Variants in VPS8 observed in about 807,000 individuals in gnomAD.
VPS8 encodes VPS8 subunit of CORVET complex, also known as vacuolar protein sorting-associated protein 8 homolog.
In VPS8, 129 loss-of-function variants were observed where a neutral mutation model predicts 216.4. The observed-to-expected ratio is 0.60, with a 90% confidence interval of 0.52 to 0.69. VPS8 has a LOEUF of 0.69. Ranked by LOEUF, VPS8 falls within the 30% of genes least tolerant of loss-of-function variation. The pLI, the probability that VPS8 is intolerant of heterozygous loss-of-function variation, is 0.00. For synonymous variants in VPS8, 571 were observed against 565.4 expected, an observed-to-expected ratio of 1.01 and a Z score of -0.14; for missense variants, 1,531 against 1,683.5, an observed-to-expected ratio of 0.91 and a Z score of 1.59.
chr3:184,928,131 C>T (rs1355687734), intron 31 of VPS8, among the ~76,000 whole-genome samples: 1 of 152,160 alleles, frequency 6.6e-6, no homozygotes, highest in Non-Finnish European at 1.5e-5. Flanking sequence ...GATAAAAATT[C>T]ACTTCTTGAA....
chr3:184,894,561 A>T, intron 22 of VPS8, 142 bp from the exon 23 acceptor site: 1 of 546,646 alleles, frequency 1.8e-6, no homozygotes, highest in Non-Finnish European at 3.2e-6. Context: ...TTGCAGTATA[A>T]AACTCTGTGA....
At chr3:184,984,295 CTTTT>C (rs67712263) in intron 42 of VPS8, among the ~76,000 whole-genome samples, 5 of 109,268 alleles carry the variant, frequency 4.6e-5, no homozygotes, top group Admixed American at 9.3e-5. Context: ...ATTTAGAATA[CTTTT>C]TTTTTTTTTT....
chr3:184,987,343 G>C (rs1041897155), intron 42 of VPS8, among the ~76,000 whole-genome samples: 1 of 151,912 alleles, frequency 6.6e-6, no homozygotes, highest in African/African-American at 2.4e-5. Context: ...TGAACTCCTG[G>C]CTTCAAGTGA....
rs888352883 is a variant in VPS8, at chr3:184,849,603, A to G, written c.667-333A>G. The G allele has an allele frequency of 1.7e-5, 5 of 287,000 alleles. No homozygotes were observed. The East Asian group carries it at 4.3e-4, about 25-fold the overall frequency. The allele number at this position is 287,000 out of a possible 1,614,324, so 17.8% of individuals were successfully genotyped here. A position where few individuals can be genotyped will look rare whatever the true frequency, so the allele number is the denominator to read the frequency against. On this transcript the variant is annotated intron_variant, in intron 9 of 47. Transcript: ENST00000625842. The stretch of plus-strand genomic sequence containing the variant: ...GGTTTTTTTATCTTCTGATTCATAC[A>G]TCACTAGCTAGTTTGGCAGTAAGCC...
Position 184,849,055 on chromosome 3 carries a change from A to C in VPS8, c.542-16A>C. The C allele has an allele frequency of 6.2e-7, 1 of 1,612,036 alleles. No individual in the cohort carries two copies. Among genetic ancestry groups the C allele is most frequent in the Non-Finnish European group, 8.5e-7 (1 of 1,178,558 alleles). On this transcript the variant is annotated splice_polypyrimidine_tract_variant and intron_variant, in intron 8 of 47. Coordinates refer to ENST00000625842, the MANE Select transcript of VPS8 (RefSeq NM_001009921.3). ...TTGCATTTCCTTCACTTGACTTTAA[A>C]AACTGCTTTCTTTAGATCAGAATCA...
rs532520904 is a variant in VPS8 at position 184,983,299 on chromosome 3, A to G, written c.3585+205A>G. On this transcript the variant is annotated intron_variant, in intron 42 of 47. Transcript: ENST00000625842. Reference sequence around the variant, plus strand: ...GTTTTTTGGTGTGACTTTGCCTGACATAAGCTTGTGACCTTCAGTTAGGGC... The same window carrying G: ...GTTTTTTGGTGTGACTTTGCCTGACGTAAGCTTGTGACCTTCAGTTAGGGC... Among the ~76,000 whole-genome samples, 9 of 152,314 alleles carry G rather than the reference A, an allele frequency of 5.9e-5. No homozygotes were observed. In the South Asian group the frequency reaches 1.2e-3, roughly 21 times the overall value.
At chr3:184,902,450 T>A (rs1734710911) in intron 25 of VPS8, among the ~76,000 whole-genome samples, 1 of 150,980 alleles carries the variant, frequency 6.6e-6, no homozygotes. Flanking sequence ...GCCACTGCTC[T>A]CCAGCTTGGG....
intron 46 of VPS8, among the ~76,000 whole-genome samples, chr3:185,027,111 G>A (rs75347830): frequency 0.012 from 1,857 of 152,126 alleles, 43 homozygotes; most frequent in African/African-American, 0.041. Context: ...AAAAGTAGAC[G>A]GGTAAACTGA....
In VPS8 at chr3:184,966,655, T is replaced by C. The variant is rs1008756402; in HGVS notation, c.3274-16T>C. 2 of 1,547,810 alleles carry C rather than the reference T, an allele frequency of 1.3e-6. No homozygotes were observed. Among genetic ancestry groups the C allele is most frequent in the Admixed American group, 1.8e-5 (1 of 55,534 alleles). On this transcript the variant is annotated splice_polypyrimidine_tract_variant and intron_variant, in intron 38 of 47. Transcript: ENST00000625842. ...AAGTGTTCCTTTTTAACTCCTATGTTCTTTTTATCTCCTAGAGACTACAAA... is the reference window on the plus strand; with the variant it reads ...AAGTGTTCCTTTTTAACTCCTATGTCCTTTTTATCTCCTAGAGACTACAAA...
Position 185,048,547 on chromosome 3 carries a change from A to G in VPS8, c.4125A>G (p.Arg1375=). Residue 1375 remains arginine (R), a synonymous_variant, in exon 47 of 48, where the codon CGA becomes CGG. Coordinates refer to ENST00000625842, the MANE Select transcript of VPS8 (RefSeq NM_001009921.3). ...TTGATCAGCTTTGCCGTCTCTACCG[A>G]GGAAGCTCCAGGGTAATGTTTGCGT... ...QAFDQLCRLY[R]GSSRLALLTE... 1 of 1,613,958 alleles carries G rather than the reference A, an allele frequency of 6.2e-7. No homozygotes were observed.
In VPS8 at chr3:184,827,452, C is replaced by A. The variant is rs967592345; in HGVS notation, c.222+1221C>A. On this transcript the variant is annotated intron_variant, in intron 3 of 47. Coordinates refer to ENST00000625842, the MANE Select transcript of VPS8 (RefSeq NM_001009921.3). ...AGAATATTCTGTTACAGTGAAATGT[C>A]CTTTATTTACTTTCTAATATAGAGG... 3.3e-5 allele frequency among the ~76,000 whole-genome samples: 5 copies of A among 152,216 alleles called. No homozygotes were observed. In the South Asian group the frequency reaches 8.3e-4, roughly 25 times the overall value.
intron 42 of VPS8, among the ~76,000 whole-genome samples, chr3:184,986,886 A>T (rs1338148472): frequency 6.6e-6 from 1 of 152,188 alleles, no homozygotes; most frequent in Non-Finnish European, 1.5e-5. Flanking sequence ...TTTTTGTATT[A>T]GTGTGGTATA....
At chr3:184,908,376 A>G (rs535646466) in intron 25 of VPS8, among the ~76,000 whole-genome samples, 3 of 152,322 alleles carry the variant, frequency 2.0e-5, no homozygotes, top group Admixed American at 2.0e-4. Flanking sequence ...GAGGGAGCAC[A>G]TGAGCAAGCC....
At chr3:185,031,945 C>T (rs1327790693) in intron 46 of VPS8, among the ~76,000 whole-genome samples, 1 of 152,162 alleles carries the variant, frequency 6.6e-6, no homozygotes, top group Non-Finnish European at 1.5e-5. Flanking sequence ...GGGCAGATCA[C>T]TTGAGGTCAG....
At chr3:184,874,757 C>A (rs941657732) in intron 21 of VPS8, among the ~76,000 whole-genome samples, 2 of 152,118 alleles carry the variant, frequency 1.3e-5, no homozygotes, top group Admixed American at 6.5e-5. Flanking sequence ...CAGCCACATC[C>A]CACAACTGAG....
At chr3:184,986,168 T>C (rs1751039315) in intron 42 of VPS8, among the ~76,000 whole-genome samples, 1 of 152,188 alleles carries the variant, frequency 6.6e-6, no homozygotes, top group African/African-American at 2.4e-5. Context: ...GAAGAGGAGA[T>C]GTCTGAGCTG....
Position 185,027,076 on chromosome 3 carries a change from C to T in VPS8, c.4056+2687C>T, listed in dbSNP as rs563342696. Among the ~76,000 whole-genome samples, 173 of 152,032 alleles carry T rather than the reference C, an allele frequency of 1.1e-3. 1 individual carries two copies. The highest frequency in any genetic ancestry group is 4.0e-3 in the African/African-American group (167 of 41,454). Reference sequence around the variant, plus strand: ...TAGAGAAAAGAAATACAATCCTGTTCTCAAAGACCTCAGCATTTATTGAGA... The same window carrying T: ...TAGAGAAAAGAAATACAATCCTGTTTTCAAAGACCTCAGCATTTATTGAGA... On this transcript the variant is annotated intron_variant, in intron 46 of 47. Transcript: ENST00000625842.
intron 17 of VPS8, among the ~76,000 whole-genome samples, 186 bp from the exon 18 acceptor site, chr3:184,867,838 T>G (rs1727654100): frequency 6.6e-6 from 1 of 152,116 alleles, no homozygotes; most frequent in Non-Finnish European, 1.5e-5. Flanking sequence ...AGAGCGAGAC[T>G]CTGTCTCAAA....
intron 37 of VPS8, among the ~76,000 whole-genome samples, chr3:184,960,000 C>G (rs994685543): frequency 3.3e-5 from 5 of 152,064 alleles, no homozygotes; most frequent in Non-Finnish European, 7.4e-5. Context: ...CCCCCCACCC[C>G]ACAACAGACC....
Sources: allele counts gnomAD v4.1 joint callset (sites outside exome capture counted in the v4.1 genomes callset), GRCh38; gene constraint gnomAD v4.1.1; transcripts MANE v1.5; gene names NCBI Gene and HGNC (gene_info 2026-07-23, HGNC 2026-07-21).